NALCN: variants seen among roughly 807,000 people sequenced by gnomAD.
NALCN encodes the protein sodium leak channel NALCN.
A neutral mutation model predicts 225.3 loss-of-function variants in NALCN; 111 were observed. That is an observed-to-expected ratio of 0.49 (90% CI 0.42 to 0.58). The LOEUF (loss-of-function observed/expected upper bound fraction) is 0.58, where lower values mean the gene tolerates loss of function less well. Among genes scored for constraint, NALCN ranks in the 20% least tolerant of loss-of-function variants. NALCN has a pLI of 0.00. For missense variants in NALCN, 1,378 were observed against 2,202.4 expected, an observed-to-expected ratio of 0.63 and a Z score of 7.49; for synonymous variants, 764 against 769.0, an observed-to-expected ratio of 0.99 and a Z score of 0.11.
chr13:101,295,845 G>T (rs1285482451), intron 7 of NALCN, among the ~76,000 whole-genome samples: 1 of 152,340 alleles, frequency 6.6e-6, no homozygotes, highest in South Asian at 2.1e-4. Context: ...TCCTGGCTTT[G>T]CCAAACATAG....
chr13:101,094,260 G>C (rs1415081951), intron 28 of NALCN, among the ~76,000 whole-genome samples: 1 of 152,136 alleles, frequency 6.6e-6, no homozygotes, highest in Non-Finnish European at 1.5e-5. Context: ...CTGCTCTCCA[G>C]ATGGTGATGA....
At chr13:101,243,418 C>T (rs1421052316) in intron 11 of NALCN, among the ~76,000 whole-genome samples, 1 of 104,692 alleles carries the variant, frequency 9.6e-6, no homozygotes, top group African/African-American at 3.4e-5. Context: ...CGGATTCTCT[C>T]GCCCATCAAT....
chr13:101,300,281 G>C (rs531733522), intron 7 of NALCN, among the ~76,000 whole-genome samples: 93 of 151,786 alleles, frequency 6.1e-4, no homozygotes, highest in African/African-American at 2.1e-3. Flanking sequence ...TTCTCCCTCC[G>C]ATCCTCCTTC....
At position 101,104,185 on chromosome 13, in the gene NALCN, T is replaced by C; in HGVS notation, c.2889+110A>G. On this transcript the variant is annotated intron_variant, in intron 25 of 43. Transcript: ENST00000251127. The surrounding 1 kb of genome is among the most constrained non-coding windows in gnomAD (Gnocchi z 4.2). ...CTCTAGAGTCCATTTAAGAATTCGGTTAGGGAATCTAAGCCTCTGTAACTC... is the reference window on the plus strand; with the variant it reads ...CTCTAGAGTCCATTTAAGAATTCGGCTAGGGAATCTAAGCCTCTGTAACTC... 7.6e-7 allele frequency: 1 copy of C among 1,323,770 alleles called. No homozygotes were observed. The allele number at this position is 1,323,770 out of a possible 1,614,324, so 82.0% of individuals were successfully genotyped here. A position where few individuals can be genotyped will look rare whatever the true frequency, so the allele number is the denominator to read the frequency against.
At chr13:101,172,609 G>T (rs993381367) in intron 15 of NALCN, among the ~76,000 whole-genome samples, 4 of 152,276 alleles carry the variant, frequency 2.6e-5, no homozygotes, top group Admixed American at 6.5e-5. Flanking sequence ...ACCCAGGCTG[G>T]AGTACAGTGG....
chr13:101,273,075 A>C (rs1341917353), intron 10 of NALCN, among the ~76,000 whole-genome samples: 1 of 152,188 alleles, frequency 6.6e-6, no homozygotes. Flanking sequence ...CCATTGTACC[A>C]CGTCTCATGC....
At chr13:101,058,423 GGGGCA>G in intron 42 of NALCN, 8 of 190,510 alleles carry the variant, frequency 4.2e-5, no homozygotes, top group Non-Finnish European at 6.5e-5. Flanking sequence ...GGGCTGGGCG[GGGGCA>G]GTCTACTGTC....
At chr13:101,080,036 T>C (rs182852413) in intron 34 of NALCN, among the ~76,000 whole-genome samples, 1 of 152,220 alleles carries the variant, frequency 6.6e-6, no homozygotes, top group African/African-American at 2.4e-5. Flanking sequence ...ATTATAATAA[T>C]GCCTACAGGC....
At position 101,261,249 on chromosome 13, in the gene NALCN, C is replaced by T. The variant is rs187816969; in HGVS notation, c.1135-2675G>A. 1.7e-3 allele frequency among the ~76,000 whole-genome samples: 253 copies of T among 152,144 alleles called. 1 individual carries two copies. The highest frequency in any genetic ancestry group is 5.7e-3 in the African/African-American group (236 of 41,524). On this transcript the variant is annotated intron_variant, in intron 10 of 43. Transcript: ENST00000251127. ...GTCTGTTTTTATGGCAGTACCACGG[C>T]GTTTTGATTACTGTAGCTTTGAATT...
intron 6 of NALCN, among the ~76,000 whole-genome samples, chr13:101,361,231 T>G (rs1169598230): frequency 1.3e-5 from 2 of 152,174 alleles, no homozygotes; most frequent in Non-Finnish European, 2.9e-5. Context: ...ACCAAGCTGG[T>G]TGGGTGGAAC....
chr13:101,136,053 TAAATATTCTGCAA>T (rs1285297424), intron 17 of NALCN, among the ~76,000 whole-genome samples: 3 of 152,242 alleles, frequency 2.0e-5, no homozygotes, highest in African/African-American at 7.2e-5. Flanking sequence ...GTTACACAAT[TAAATATTCTGCAA>T]AAATAATCAT....
At chr13:101,391,435 C>A (rs9518380) in intron 3 of NALCN, among the ~76,000 whole-genome samples, 19,823 of 152,096 alleles carry the variant, frequency 0.13, 1,517 homozygotes, top group East Asian at 0.36. Flanking sequence ...GTAATCCCAG[C>A]ACTTTGGGAG....
At chr13:101,081,781 T>A in intron 33 of NALCN, 135 bp from the exon 34 acceptor site, 1 of 1,152,248 alleles carries the variant, frequency 8.7e-7, no homozygotes, top group Non-Finnish European at 1.2e-6. Context: ...GTGGACACAG[T>A]ATCTTTTCCA....
chr13:101,216,263 G>T (rs1157279979), intron 13 of NALCN, among the ~76,000 whole-genome samples: 1 of 152,012 alleles, frequency 6.6e-6, no homozygotes, highest in Non-Finnish European at 1.5e-5. Flanking sequence ...ATTAGCAGGA[G>T]AAATAGTACA....
chr13:101,395,223 G>T lies in NALCN; in HGVS notation c.251C>A (p.Ala84Glu), dbSNP rs2047254679. The T allele has an allele frequency of 6.2e-7, 1 of 1,613,814 alleles. No homozygotes were observed. The highest frequency in any genetic ancestry group is 2.2e-5 in the East Asian group (1 of 44,864). ...LDTLLMFLYT[A>E]EMIAKMHIRG... ...GATGTGCATTTTTGCTATCATCTCT[G>T]CCGTGTAGAGAAACATCAATAATGT... is the stretch of plus-strand genomic sequence containing the variant. The change falls in exon 3 of 44, where the codon GCA (alanine) becomes GAA (glutamate). Residue 84 changes from alanine (A) to glutamate (E), a missense_variant. Ala to Glu is a moderately radical substitution (Grantham distance 107, BLOSUM62 -1). Transcript: ENST00000251127.
chr13:101,307,569 TC>T (rs1233159535), intron 7 of NALCN, among the ~76,000 whole-genome samples: 1 of 152,200 alleles, frequency 6.6e-6, no homozygotes, highest in African/African-American at 2.4e-5. Context: ...GTCTGAACTT[TC>T]TGAAACTTTT....
chr13:101,378,831 A>G (rs2046766816), intron 3 of NALCN, among the ~76,000 whole-genome samples, 178 bp from the exon 4 acceptor site: 1 of 152,238 alleles, frequency 6.6e-6, no homozygotes, highest in African/African-American at 2.4e-5. Context: ...TATAAGAAAA[A>G]TAATTTATAA....
At chr13:101,283,262 G>A (rs1049222335) in intron 10 of NALCN, among the ~76,000 whole-genome samples, 2 of 152,168 alleles carry the variant, frequency 1.3e-5, no homozygotes, top group African/African-American at 4.8e-5. Flanking sequence ...GGGAAACCAA[G>A]GAAGAGAAGA....
At chr13:101,407,026 T>C (rs2047644386) in intron 1 of NALCN, among the ~76,000 whole-genome samples, 1 of 152,224 alleles carries the variant, frequency 6.6e-6, no homozygotes, top group African/African-American at 2.4e-5. Context: ...AGAATGTATG[T>C]AATTTTTTAC....
Sources: gnomAD v4.1 joint callset for allele counts (sites outside exome capture counted in the v4.1 genomes callset) on GRCh38, gnomAD v4.1.1 for gene constraint, Gnocchi (gnomAD v3.1) non-coding constraint, MANE v1.5 for transcripts, NCBI Gene and HGNC (gene_info 2026-07-23, HGNC 2026-07-21) for gene names.